The following GRHPR variants were observed in gnomAD, a reference collection of about 807,000 sequenced individuals.
GRHPR encodes glyoxylate reductase/hydroxypyruvate reductase.
GRHPR carries 35 observed loss-of-function variants against 36.8 expected under a neutral mutation model. The ratio of observed to expected loss-of-function variants is 0.95; its 90% CI spans 0.73 to 1.26. GRHPR has a LOEUF of 1.26. Ranked by LOEUF, GRHPR falls within the 50% of genes most tolerant of loss-of-function variation. The pLI, the probability that GRHPR is intolerant of heterozygous loss-of-function variation, is 0.00. For missense variants in GRHPR, 380 were observed against 435.0 expected (o/e 0.87, Z 1.12); for synonymous variants, 179 against 181.0 (o/e 0.99, Z 0.09).
At chr9:37,428,097 G>A in intron 4 of GRHPR, 1 of 349,600 alleles carries the variant, frequency 2.9e-6, no homozygotes, top group Non-Finnish European at 5.6e-6. Flanking sequence ...CCCTGTGGCT[G>A]TACTCTTTGT....
At chr9:37,425,894 TACTA>T in intron 2 of GRHPR, 24 bp from the exon 3 acceptor site, 1 of 1,544,384 alleles carries the variant, frequency 6.5e-7, no homozygotes, top group Non-Finnish European at 9.0e-7. Context: ...CGAGGAAAGA[TACTA>T]ACAATGCACT....
At chr9:37,424,525 C>T (rs879657274) in intron 1 of GRHPR, among the ~76,000 whole-genome samples, 8 of 152,380 alleles carry the variant, frequency 5.3e-5, no homozygotes, top group Admixed American at 2.0e-4. Flanking sequence ...CTGCCCCCCA[C>T]GGGCCTTCCC....
chr9:37,430,570 C>T lies in GRHPR; in HGVS notation c.658C>T (p.Pro220Ser). 2.5e-6 allele frequency: 4 copies of T among 1,613,448 alleles called. No homozygotes were observed. The highest frequency in any genetic ancestry group is 3.4e-6 in the Non-Finnish European group (4 of 1,179,370). ...DFIVVACSLT[P>S]ATEGLCNKDF... Reference sequence around the variant, plus strand: ...CATCGTCGTGGCCTGCTCCTTAACACCTGCAACCGAGGGACTCTGCAACAA... The same window carrying T: ...CATCGTCGTGGCCTGCTCCTTAACATCTGCAACCGAGGGACTCTGCAACAA... The change falls in exon 7 of 9, where the codon CCT becomes TCT. Residue 220 changes from proline (P) to serine (S), a missense_variant. Coordinates refer to ENST00000318158, the MANE Select transcript of GRHPR (RefSeq NM_012203.2).
chr9:37,427,591 C>T (rs1823142737), intron 4 of GRHPR: 1 of 152,204 alleles, frequency 6.6e-6, no homozygotes, highest in African/African-American at 2.4e-5. Context: ...AATCCCAGCA[C>T]TTTGGGAGGC....
chr9:37,432,546 T>G, intron 8 of GRHPR: 1 of 287,360 alleles, frequency 3.5e-6, no homozygotes, highest in East Asian at 8.6e-5. Context: ...GGTATGGTGG[T>G]GCATGCCTAT....
At chr9:37,434,307 G>T in intron 8 of GRHPR, 1 of 465,744 alleles carries the variant, frequency 2.1e-6, no homozygotes. Flanking sequence ...CTGCCAAATG[G>T]AGACATTAAC....
chr9:37,432,997 G>C lies in GRHPR; in HGVS notation c.865+859G>C, dbSNP rs1449533017. Among the ~76,000 whole-genome samples the C allele has an allele frequency of 3.9e-5, 6 of 152,178 alleles. 1 individual carries two copies. The highest frequency in any genetic ancestry group is 8.8e-5 in the Non-Finnish European group (6 of 68,034). On this transcript the variant is annotated intron_variant, in intron 8 of 8. Coordinates refer to ENST00000318158, the MANE Select transcript of GRHPR (RefSeq NM_012203.2). ...CCTCCTGCCCTCCCTTCCTGTCTTT[G>C]GGGGAGTGGCAGCAGCACTTCTTCA...
At chr9:37,422,520 C>T (rs1255384485), upstream of GRHPR, 1 of 561,464 alleles carries the variant, frequency 1.8e-6, no homozygotes, top group Non-Finnish European at 3.2e-6. Context: ...GAGGCGCACC[C>T]CCCCACACAC....
chr9:37,430,397 A>G (rs1485222496), intron 6 of GRHPR, 114 bp from the exon 7 acceptor site: 2 of 887,774 alleles, frequency 2.3e-6, no homozygotes, highest in African/African-American at 3.3e-5. Context: ...CTCGGCCTTC[A>G]GGAAGCATCT....
chr9:37,431,237 T>G (rs1588760245), intron 7 of GRHPR: 1 of 348,340 alleles, frequency 2.9e-6, no homozygotes, highest in Non-Finnish European at 5.7e-6. Context: ...GAAGGGGGAT[T>G]GGGTGAGGTC....
At chr9:37,436,537 A>G (rs1483271119) in intron 8 of GRHPR, 124 bp from the exon 9 acceptor site, 3 of 1,053,716 alleles carry the variant, frequency 2.8e-6, no homozygotes, top group Non-Finnish European at 4.4e-6. Flanking sequence ...AAGGCAAAGC[A>G]TGGAACCATG....
At chr9:37,428,916 G>A (rs1588756218) in intron 5 of GRHPR, 5 of 413,492 alleles carry the variant, frequency 1.2e-5, no homozygotes, top group East Asian at 5.6e-5. Flanking sequence ...CACCTACTCC[G>A]GCTTGCGTTC....
At chr9:37,428,729 A>G (rs1408272678) in intron 5 of GRHPR, 157 bp downstream of exon 5, 3 of 706,912 alleles carry the variant, frequency 4.2e-6, no homozygotes, top group Non-Finnish European at 7.7e-6. Context: ...TTTGTAAAAC[A>G]CAGGCAAATA....
At chr9:37,430,451 C>T (rs999511695) in intron 6 of GRHPR, 60 bp from the exon 7 acceptor site, 33 of 1,488,294 alleles carry the variant, frequency 2.2e-5, no homozygotes, top group South Asian at 4.5e-5. Context: ...GCTGGTCTCC[C>T]GCCATCTGGT....
At position 37,422,955 on chromosome 9, in the gene GRHPR, A is replaced by G. The variant is rs887440551; in HGVS notation, c.83+122A>G. On this transcript the variant is annotated intron_variant, in intron 1 of 8. Coordinates refer to ENST00000318158, the MANE Select transcript of GRHPR (RefSeq NM_012203.2). The stretch of plus-strand genomic sequence containing the variant: ...CTTGGAGTTTTGGGGAGTCTCGGAG[A>G]AAGTTCTCTGGGGCCCAGTTCTCCT... 17 of 701,946 alleles carry G rather than the reference A, an allele frequency of 2.4e-5. No homozygotes were observed. In the African/African-American group the frequency reaches 2.7e-4, roughly 11 times the overall value. The allele number at this position is 701,946 out of a possible 1,614,324, so 43.5% of individuals were successfully genotyped here.
At position 37,436,635 on chromosome 9, in the gene GRHPR, CCTCT is replaced by C. The variant is rs34302950; in HGVS notation, c.866-12_866-9del. Reference sequence around the variant, plus strand: ...GCTGCTGAACCACCCTTCTTATCTCCCTCTCTCTCTCTCTCTCCTTTCCAGTGAT... The same window carrying C: ...GCTGCTGAACCACCCTTCTTATCTCCCTCTCTCTCTCTCCTTTCCAGTGAT... On this transcript the variant is annotated intron_variant, in intron 8 of 8. Transcript: ENST00000318158. The C allele has an allele frequency of 8.9e-4, 1,356 of 1,516,864 alleles. 10 individuals are homozygous for C. In the African/African-American group the frequency reaches 0.012, roughly 13 times the overall value. 94.0% of individuals were successfully genotyped at this position (1,516,864 alleles called of 1,614,324 possible). A position where few individuals can be genotyped will look rare whatever the true frequency, so the allele number is the denominator to read the frequency against.
Position 37,436,646 on chromosome 9 carries a change from CT to C in GRHPR, c.866-14del. The C allele has an allele frequency of 6.2e-7, 1 of 1,613,932 alleles. No individual in the cohort carries two copies. ...ACCCTTCTTATCTCCCTCTCTCTCTCTCTCTCCTTTCCAGTGATTCTGCCCC... is the reference window on the plus strand; with the variant it reads ...ACCCTTCTTATCTCCCTCTCTCTCTCCTCTCCTTTCCAGTGATTCTGCCCC... On this transcript the variant is annotated splice_polypyrimidine_tract_variant and intron_variant, in intron 8 of 8. Transcript: ENST00000318158.
At position 37,430,562 on chromosome 9, in the gene GRHPR, CCTT is replaced by C; in HGVS notation, c.651_653del (p.Leu218del). ...TCTGATTTCATCGTCGTGGCCTGCT[CCTT>C]AACACCTGCAACCGAGGGACTCTGC... is the stretch of plus-strand genomic sequence containing the variant. On this transcript the variant is annotated inframe_deletion, in exon 7 of 9. Transcript: ENST00000318158. 1.2e-6 allele frequency: 2 copies of C among 1,613,528 alleles called. No homozygotes were observed. The highest frequency in any genetic ancestry group is 2.7e-5 in the African/African-American group (2 of 75,032).
Position 37,422,819 on chromosome 9 carries a change from C to G in GRHPR, c.69C>G (p.Leu23=), listed in dbSNP as rs1348088134. 1 of 1,598,938 alleles carries G rather than the reference C, an allele frequency of 6.3e-7. No individual in the cohort carries two copies. The highest frequency in any genetic ancestry group is 8.5e-7 in the Non-Finnish European group (1 of 1,174,148). ...TACCCGCCGAGGGTAGGGTCGCGCTCGCCCGGGCGGCAGAGTAAGAGCCTC... is the reference window on the plus strand; with the variant it reads ...TACCCGCCGAGGGTAGGGTCGCGCTGGCCCGGGCGGCAGAGTAAGAGCCTC... ...RRIPAEGRVA[L]ARAADCEVEQ... The change falls in exon 1 of 9, where the codon CTC becomes CTG. Residue 23 remains leucine (L), a synonymous_variant. Transcript: ENST00000318158.
Sources: allele counts gnomAD v4.1 joint callset (sites outside exome capture counted in the v4.1 genomes callset), GRCh38; gene constraint gnomAD v4.1.1; transcripts MANE v1.5; gene names NCBI Gene and HGNC (gene_info 2026-07-23, HGNC 2026-07-21).